The following PTPRD variants were observed in gnomAD, a reference collection of about 807,000 sequenced individuals.
PTPRD encodes the protein receptor-type tyrosine-protein phosphatase delta.
In PTPRD, 34 loss-of-function variants were observed where a neutral mutation model predicts 214.5. That is an observed-to-expected ratio of 0.16 (90% CI 0.12 to 0.21). The LOEUF (loss-of-function observed/expected upper bound fraction) is 0.21. Among genes scored for constraint, PTPRD ranks in the 10% least tolerant of loss-of-function variants. The pLI is 1.00. For synonymous variants in PTPRD, 1,128 were observed against 845.7 expected (o/e 1.33, Z -5.79); for missense variants, 2,545 against 2,398.7 (o/e 1.06, Z -1.27).
intron 2 of PTPRD, among the ~76,000 whole-genome samples, chr9:10,428,804 A>T (rs2098649889): frequency 6.6e-6 from 1 of 151,988 alleles, no homozygotes; most frequent in Non-Finnish European, 1.5e-5. Flanking sequence ...AAAACACATG[A>T]GTGGAGCTTT....
chr9:9,931,555 G>T (rs975460742), intron 5 of PTPRD, among the ~76,000 whole-genome samples: 1 of 152,146 alleles, frequency 6.6e-6, no homozygotes, highest in Non-Finnish European at 1.5e-5. Flanking sequence ...ATTATATCCC[G>T]CACGTGGCTC....
At position 9,350,969 on chromosome 9, in the gene PTPRD, G is replaced by A. The variant is rs117705830; in HGVS notation, c.-203+46480C>T. On this transcript the variant is annotated intron_variant, in intron 9 of 45. Coordinates refer to ENST00000381196, the MANE Select transcript of PTPRD (RefSeq NM_002839.4). ...CAGTGCTTTGGGCAAGTTTTTGTTCGTTTGTCTGTTTCATTTTAGATTGCT... is the reference window on the plus strand; with the variant it reads ...CAGTGCTTTGGGCAAGTTTTTGTTCATTTGTCTGTTTCATTTTAGATTGCT... 3.4e-3 allele frequency among the ~76,000 whole-genome samples: 523 copies of A among 152,002 alleles called. 2 individuals carry two copies. The highest frequency in any genetic ancestry group is 6.1e-3 in the Non-Finnish European group (417 of 67,940).
chr9:9,693,257 G>A (rs1463515577), intron 7 of PTPRD, among the ~76,000 whole-genome samples: 1 of 152,078 alleles, frequency 6.6e-6, no homozygotes, highest in Admixed American at 6.6e-5. Flanking sequence ...GTAATCCCCT[G>A]TGTTTAGGGA....
At chr9:9,842,940 G>A (rs897405171) in intron 5 of PTPRD, among the ~76,000 whole-genome samples, 7 of 151,874 alleles carry the variant, frequency 4.6e-5, no homozygotes, top group Admixed American at 2.0e-4. Flanking sequence ...CTTTCTATAC[G>A]GTTGTATATA....
At chr9:10,055,155 C>A (rs879458090) in intron 3 of PTPRD, among the ~76,000 whole-genome samples, 4 of 151,958 alleles carry the variant, frequency 2.6e-5, no homozygotes, top group African/African-American at 9.7e-5. Context: ...CCCTCCAGAC[C>A]CTAAGAAATA....
intron 8 of PTPRD, among the ~76,000 whole-genome samples, chr9:9,555,985 G>C (rs2081422580): frequency 6.6e-6 from 1 of 151,980 alleles, no homozygotes; most frequent in South Asian, 2.1e-4. Context: ...TATGGCCTTA[G>C]ATTGTACAGT....
chr9:10,494,319 G>GA (rs1015619651), intron 2 of PTPRD, among the ~76,000 whole-genome samples: 3 of 151,418 alleles, frequency 2.0e-5, no homozygotes, highest in South Asian at 4.2e-4. Context: ...TATTTTAAAA[G>GA]AAAAAATAGG....
At chr9:10,428,096 A>T (rs687154) in intron 2 of PTPRD, among the ~76,000 whole-genome samples, 1 of 151,930 alleles carries the variant, frequency 6.6e-6, no homozygotes. Context: ...CGGGAATACC[A>T]TAAAGGTCAG....
At chr9:9,455,343 T>C (rs909768382) in intron 8 of PTPRD, among the ~76,000 whole-genome samples, 3 of 151,550 alleles carry the variant, frequency 2.0e-5, no homozygotes, top group Non-Finnish European at 4.4e-5. Context: ...GAATGAAAAT[T>C]ATGCACACAT....
chr9:9,753,584 AAC>A (rs2098542278), intron 6 of PTPRD, among the ~76,000 whole-genome samples: 1 of 152,054 alleles, frequency 6.6e-6, no homozygotes, highest in South Asian at 2.1e-4. Context: ...TTTATAAATC[AAC>A]AGTCTGCCAG....
chr9:10,290,009 T>G (rs1413255480), intron 3 of PTPRD, among the ~76,000 whole-genome samples: 1 of 152,124 alleles, frequency 6.6e-6, no homozygotes. Context: ...TCAATTTGGA[T>G]TTTTCCTAAA....
intron 9 of PTPRD, among the ~76,000 whole-genome samples, chr9:9,395,134 T>C (rs574222520): frequency 6.7e-6 from 1 of 149,798 alleles, no homozygotes; most frequent in East Asian, 2.0e-4. Context: ...CCCTCATCCA[T>C]AGAGAGAAGA....
At chr9:8,432,170 C>G (rs1306869024) in intron 35 of PTPRD, among the ~76,000 whole-genome samples, 1 of 152,210 alleles carries the variant, frequency 6.6e-6, no homozygotes, top group Non-Finnish European at 1.5e-5. Flanking sequence ...ACTTTAACAG[C>G]CATACCAACT....
chr9:8,563,776 C>A (rs577139246), intron 14 of PTPRD, among the ~76,000 whole-genome samples: 1 of 152,116 alleles, frequency 6.6e-6, no homozygotes, highest in African/African-American at 2.4e-5. Context: ...ATTCTTGTGC[C>A]TCAGCCTCCA....
intron 11 of PTPRD, among the ~76,000 whole-genome samples, chr9:8,879,782 C>T (rs927189698): frequency 1.3e-5 from 2 of 152,152 alleles, no homozygotes; most frequent in African/African-American, 4.8e-5. Flanking sequence ...CTCATAGAAA[C>T]ACAAACGGAG....
intron 7 of PTPRD, among the ~76,000 whole-genome samples, chr9:9,601,153 G>GTGTGTGT (rs200355226): frequency 1.1e-5 from 1 of 94,026 alleles, no homozygotes; most frequent in Admixed American, 1.1e-4. Flanking sequence ...GTGTGTGTAT[G>GTGTGTGT]GGGGGGGGAG....
rs182855836 is a variant in PTPRD, at chr9:8,370,843, A to G, written c.4661+5093T>C. On this transcript the variant is annotated intron_variant, in intron 39 of 45. Transcript: ENST00000381196. ...ACATGGGGAACATAATGGCCTTGCCACCACTAGTAGTATGAGCTCAGGCAA... is the reference window on the plus strand; with the variant it reads ...ACATGGGGAACATAATGGCCTTGCCGCCACTAGTAGTATGAGCTCAGGCAA... 2.1e-4 allele frequency among the ~76,000 whole-genome samples: 32 copies of G among 152,214 alleles called. No homozygotes were observed. In the East Asian group the frequency reaches 6.2e-3, roughly 29 times the overall value.
At chr9:9,914,995 C>T (rs775471754) in intron 5 of PTPRD, among the ~76,000 whole-genome samples, 23 of 152,204 alleles carry the variant, frequency 1.5e-4, no homozygotes, top group Non-Finnish European at 2.9e-4. Context: ...TTGTTGGACT[C>T]ACTGTGTGCA....
At chr9:8,713,770 C>T (rs2098397646) in intron 12 of PTPRD, 2 of 1,534,512 alleles carry the variant, frequency 1.3e-6, no homozygotes, top group Non-Finnish European at 1.8e-6. Context: ...CAAGTTCCCG[C>T]TGCCCCACCG....
Sources: gnomAD v4.1 joint callset for allele counts (sites outside exome capture counted in the v4.1 genomes callset) on GRCh38, gnomAD v4.1.1 for gene constraint, MANE v1.5 for transcripts, NCBI Gene and HGNC (gene_info 2026-07-23, HGNC 2026-07-21) for gene names.